Variants in GFOD1 observed in about 807,000 individuals in gnomAD.
The protein encoded by GFOD1 is Gfo/Idh/MocA-like oxidoreductase domain containing 1.
A neutral mutation model predicts 25.4 loss-of-function variants in GFOD1; 9 were observed. That is an observed-to-expected ratio of 0.35 (90% CI 0.21 to 0.62). GFOD1 has a LOEUF of 0.62. Among genes scored for constraint, GFOD1 ranks in the 20% least tolerant of loss-of-function variants. The pLI, the probability that GFOD1 is intolerant of heterozygous loss-of-function variation, is 0.72. For missense variants in GFOD1, 403 were observed against 556.9 expected, an observed-to-expected ratio of 0.72 and a Z score of 2.78; for synonymous variants, 253 against 245.6, an observed-to-expected ratio of 1.03 and a Z score of -0.28.
intron 1 of GFOD1, among the ~76,000 whole-genome samples, chr6:13,372,826 G>C (rs1264544396): frequency 1.3e-5 from 2 of 152,194 alleles, no homozygotes; most frequent in Non-Finnish European, 2.9e-5. Context: ...AAATCTCAGA[G>C]GCAATGCTAC....
At chr6:13,472,226 A>C (rs1303512724) in intron 1 of GFOD1, among the ~76,000 whole-genome samples, 1 of 152,196 alleles carries the variant, frequency 6.6e-6, no homozygotes, top group Non-Finnish European at 1.5e-5. Context: ...ATTCAAGTTG[A>C]GATTTTAGCG....
intron 1 of GFOD1, among the ~76,000 whole-genome samples, chr6:13,435,148 C>T (rs963080020): frequency 6.6e-6 from 1 of 152,204 alleles, no homozygotes; most frequent in Non-Finnish European, 1.5e-5. Context: ...TATTTACCTA[C>T]CCGGGAACAG....
At position 13,360,642 on chromosome 6, in the gene GFOD1, T is replaced by C. The variant is rs1245076765; in HGVS notation, c.*4101A>G. The C allele has an allele frequency of 1.1e-5, 5 of 445,448 alleles. No homozygotes were observed. The East Asian group carries it at 2.1e-4, about 19-fold the overall frequency. The allele number at this position is 445,448 out of a possible 1,614,324, so 27.6% of individuals were successfully genotyped here. ...CAATTTTAAAAAAGGCTGAGTGATA[T>C]TTCCATTTTGGAATGGGAAGAAACA... On this transcript the variant is annotated 3_prime_UTR_variant, in exon 2 of 2. Transcript: ENST00000379287.
At chr6:13,415,482 A>C (rs1220608085) in intron 1 of GFOD1, among the ~76,000 whole-genome samples, 1 of 152,164 alleles carries the variant, frequency 6.6e-6, no homozygotes, top group Non-Finnish European at 1.5e-5. Context: ...ACAACTCTGA[A>C]GAAGTGGATG....
intron 1 of GFOD1, among the ~76,000 whole-genome samples, chr6:13,452,767 A>G (rs895662969): frequency 6.7e-6 from 1 of 148,892 alleles, no homozygotes; most frequent in Non-Finnish European, 1.5e-5. Context: ...TTCACTCTGT[A>G]TGACAAATAA....
intron 1 of GFOD1, among the ~76,000 whole-genome samples, chr6:13,466,294 G>A (rs1034018726): frequency 2.6e-5 from 4 of 152,212 alleles, no homozygotes; most frequent in Non-Finnish European, 5.9e-5. Flanking sequence ...GATGAGAGAA[G>A]TAAAGTAAAC....
rs985460038 is a variant in GFOD1, at chr6:13,487,132, C to T, written c.-242G>A. 70 of 465,204 alleles carry T rather than the reference C, an allele frequency of 1.5e-4. No individual in the cohort carries two copies. Among genetic ancestry groups the T allele is most frequent in the Non-Finnish European group, 2.4e-4 (65 of 268,128 alleles). The allele number at this position is 465,204 out of a possible 1,614,324, so 28.8% of individuals were successfully genotyped here. On this transcript the variant is annotated 5_prime_UTR_variant, in exon 1 of 2. Coordinates refer to ENST00000379287, the MANE Select transcript of GFOD1 (RefSeq NM_018988.4). This position sits in a 1 kb window ranked among gnomAD's most constrained non-coding sequence, Gnocchi z 4.9. ...TCCGCCACGCGGGGCTCGCGTCCTT[C>T]CCGGAGTCGGCGGCAGGGACCCCCC...
chr6:13,410,528 T>C (rs546508284), intron 1 of GFOD1, among the ~76,000 whole-genome samples: 48 of 146,246 alleles, frequency 3.3e-4, no homozygotes, highest in African/African-American at 1.0e-3. Context: ...GATAGCATCA[T>C]TGCACTCCAG....
intron 1 of GFOD1, among the ~76,000 whole-genome samples, chr6:13,401,854 C>G (rs1407960348): frequency 2.0e-5 from 3 of 152,106 alleles, no homozygotes; most frequent in Admixed American, 2.0e-4. Context: ...TGCTAGGATC[C>G]CAGAATAGCA....
intron 1 of GFOD1, among the ~76,000 whole-genome samples, chr6:13,373,361 A>T (rs1007823273): frequency 6.6e-6 from 1 of 152,202 alleles, no homozygotes; most frequent in African/African-American, 2.4e-5. Flanking sequence ...GTCTAAAATA[A>T]GATTAATGGT....
At chr6:13,385,724 AG>A (rs997312240) in intron 1 of GFOD1, among the ~76,000 whole-genome samples, 16 of 152,342 alleles carry the variant, frequency 1.1e-4, no homozygotes, top group African/African-American at 3.4e-4. Context: ...ATAGAGTATA[AG>A]TGAGGTATAG....
chr6:13,478,213 T>C (rs1190867469), intron 1 of GFOD1, among the ~76,000 whole-genome samples: 1 of 152,154 alleles, frequency 6.6e-6, no homozygotes, highest in Non-Finnish European at 1.5e-5. Flanking sequence ...AATCTTGGCT[T>C]ACTGCAACCT....
At position 13,414,357 on chromosome 6, in the gene GFOD1, T is replaced by C. The variant is rs376828919; in HGVS notation, c.254-48695A>G. Among the ~76,000 whole-genome samples the C allele has an allele frequency of 3.3e-5, 5 of 152,364 alleles. No individual in the cohort carries two copies. In the South Asian group the frequency reaches 6.2e-4, roughly 19 times the overall value. On this transcript the variant is annotated intron_variant, in intron 1 of 1. Transcript: ENST00000379287. ...GCAGGTCTGTGAGTGCCGGAAGCAC[T>C]GGGCAGAGTCGGCCAGCGCCCTGCA...
chr6:13,371,853 C>T lies in GFOD1; in HGVS notation c.254-6191G>A, dbSNP rs181282218. 2.6e-5 allele frequency among the ~76,000 whole-genome samples: 4 copies of T among 152,310 alleles called. No individual in the cohort carries two copies. In the East Asian group the frequency reaches 5.8e-4, roughly 22 times the overall value. ...CATGCTCAGCTCGCCCCCCTGAGGG[C>T]TCTGTCCCTGCATCCAGAAATGGCT... On this transcript the variant is annotated intron_variant, in intron 1 of 1. Coordinates refer to ENST00000379287, the MANE Select transcript of GFOD1 (RefSeq NM_018988.4).
At chr6:13,473,830 T>G (rs6458848) in intron 1 of GFOD1, among the ~76,000 whole-genome samples, 15,089 of 152,100 alleles carry the variant, frequency 0.099, 892 homozygotes, top group East Asian at 0.16. Flanking sequence ...TTCCTCAGCT[T>G]TCAGGCAGCA....
chr6:13,485,704 T>C (rs760814498), intron 1 of GFOD1, among the ~76,000 whole-genome samples: 17 of 152,184 alleles, frequency 1.1e-4, no homozygotes, highest in Non-Finnish European at 2.4e-4. Context: ...AGGGACCAGA[T>C]GGTGAGGCAC....
intron 1 of GFOD1, among the ~76,000 whole-genome samples, chr6:13,389,652 T>C (rs1785544834): frequency 2.0e-5 from 3 of 151,998 alleles, no homozygotes; most frequent in Non-Finnish European, 4.4e-5. Context: ...TTAGGAGAAA[T>C]ACCTAATGTA....
intron 1 of GFOD1, among the ~76,000 whole-genome samples, chr6:13,461,754 C>A (rs1212966792): frequency 6.6e-6 from 1 of 152,184 alleles, no homozygotes; most frequent in Non-Finnish European, 1.5e-5. Flanking sequence ...TCTCCATCAT[C>A]CCACCTCACC....
intron 1 of GFOD1, among the ~76,000 whole-genome samples, chr6:13,410,897 CA>C (rs1271771332): frequency 2.6e-5 from 4 of 152,288 alleles, no homozygotes; most frequent in African/African-American, 9.6e-5. Context: ...CCCTCTGCCT[CA>C]GCACAGAAGG....
Sources: allele counts gnomAD v4.1 joint callset (sites outside exome capture counted in the v4.1 genomes callset), GRCh38; gene constraint gnomAD v4.1.1; non-coding constraint Gnocchi (gnomAD v3.1); transcripts MANE v1.5; gene names NCBI Gene and HGNC (gene_info 2026-07-23, HGNC 2026-07-21).